Variants in UBE2E3 observed in about 807,000 individuals in gnomAD.
UBE2E3 encodes ubiquitin-conjugating enzyme E2 E3.
UBE2E3 carries 5 observed loss-of-function variants against 23.6 expected under a neutral mutation model. The ratio of observed to expected loss-of-function variants is 0.21; its 90% CI spans 0.11 to 0.44. UBE2E3 has a LOEUF of 0.44. Among genes scored for constraint, UBE2E3 ranks in the 20% least tolerant of loss-of-function variants. UBE2E3 has a pLI of 0.99. For missense variants in UBE2E3, 81 were observed against 249.8 expected (o/e 0.32, Z 4.55); for synonymous variants, 78 against 87.5 (o/e 0.89, Z 0.60).
intron 3 of UBE2E3, among the ~76,000 whole-genome samples, chr2:181,034,670 GTATAA>G (rs1383115730): frequency 3.4e-5 from 5 of 146,998 alleles, no homozygotes; most frequent in African/African-American, 1.2e-4. Context: ...AGAACTTAAA[GTATAA>G]TAAAAAAAAT....
intron 2 of UBE2E3, among the ~76,000 whole-genome samples, 162 bp downstream of exon 2, chr2:180,982,398 G>A (rs748784437): frequency 6.6e-6 from 1 of 152,170 alleles, no homozygotes; most frequent in Non-Finnish European, 1.5e-5. Flanking sequence ...TGGTATGTAA[G>A]CAACATTACT....
intron 3 of UBE2E3, among the ~76,000 whole-genome samples, chr2:181,013,115 C>T (rs1685384458): frequency 6.6e-6 from 1 of 152,092 alleles, no homozygotes. Context: ...TCATGCACCA[C>T]CTTGGCTGAC....
chr2:181,007,691 G>C (rs1416876468), intron 3 of UBE2E3, among the ~76,000 whole-genome samples: 1 of 152,072 alleles, frequency 6.6e-6, no homozygotes, highest in Non-Finnish European at 1.5e-5. Context: ...TGTGGAGGGG[G>C]CCCAACAGTG....
At chr2:181,056,317 G>GA (rs1686987259) in intron 3 of UBE2E3, among the ~76,000 whole-genome samples, 1 of 151,632 alleles carries the variant, frequency 6.6e-6, no homozygotes, top group South Asian at 2.1e-4. Context: ...TCTAGAATTG[G>GA]AAAATCATGA....
chr2:181,034,870 T>C (rs183048966), intron 3 of UBE2E3, among the ~76,000 whole-genome samples: 1 of 152,254 alleles, frequency 6.6e-6, no homozygotes, highest in East Asian at 1.9e-4. Context: ...AATTAGAATT[T>C]GAAAAATTTG....
intron 3 of UBE2E3, among the ~76,000 whole-genome samples, chr2:181,037,238 G>T (rs1485717996): frequency 1.3e-5 from 2 of 152,188 alleles, no homozygotes; most frequent in Non-Finnish European, 2.9e-5. Context: ...ATAAACAACT[G>T]TGTTCCTGGT....
intron 3 of UBE2E3, among the ~76,000 whole-genome samples, chr2:181,022,159 CATACT>C (rs1364173389): frequency 2.0e-5 from 3 of 152,146 alleles, no homozygotes; most frequent in Non-Finnish European, 4.4e-5. Flanking sequence ...TTATGGCAAA[CATACT>C]ATAAGTTTAG....
At chr2:181,041,062 G>A (rs1686478450) in intron 3 of UBE2E3, among the ~76,000 whole-genome samples, 1 of 151,732 alleles carries the variant, frequency 6.6e-6, no homozygotes, top group South Asian at 2.1e-4. Context: ...ATCCTGGCCA[G>A]CATGATGAAA....
In UBE2E3 at chr2:180,996,938, A is replaced by G. The variant is rs1478321770; in HGVS notation, c.245+12845A>G. 2.6e-5 allele frequency among the ~76,000 whole-genome samples: 4 copies of G among 152,082 alleles called. No homozygotes were observed. The East Asian group carries it at 7.7e-4, about 29-fold the overall frequency. On this transcript the variant is annotated intron_variant, in intron 3 of 5. Transcript: ENST00000410062. ...CCGCAATTCTGAACCCTCATAGTAC[A>G]TTTGAACTTTGTGCATGAGCTTAAT...
At chr2:181,060,549 G>T in intron 4 of UBE2E3, 116 bp from the exon 5 acceptor site, 1 of 1,065,396 alleles carries the variant, frequency 9.4e-7, no homozygotes, top group Non-Finnish European at 1.3e-6. Flanking sequence ...TCTAAGTTTA[G>T]CTCCAGTCAA....
chr2:180,995,209 T>C (rs1185285097), intron 3 of UBE2E3, among the ~76,000 whole-genome samples: 1 of 152,128 alleles, frequency 6.6e-6, no homozygotes. Context: ...ACCCATGGTG[T>C]TAGTGGCACT....
At chr2:180,993,228 G>A (rs1684721876) in intron 3 of UBE2E3, among the ~76,000 whole-genome samples, 1 of 152,130 alleles carries the variant, frequency 6.6e-6, no homozygotes, top group South Asian at 2.1e-4. Flanking sequence ...CATTCAATTT[G>A]TAAAAATCCC....
At chr2:180,998,156 T>G (rs910872583) in intron 3 of UBE2E3, among the ~76,000 whole-genome samples, 15 of 152,276 alleles carry the variant, frequency 9.9e-5, no homozygotes, top group African/African-American at 3.6e-4. Flanking sequence ...TTACATCTAT[T>G]GTCTTGACAA....
intron 5 of UBE2E3, 47 bp downstream of exon 5, chr2:181,060,859 T>A: frequency 1.8e-6 from 1 of 554,018 alleles, no homozygotes; most frequent in South Asian, 3.8e-5. Flanking sequence ...CAAAAACGAG[T>A]GCTTTTTTTT....
intron 3 of UBE2E3, among the ~76,000 whole-genome samples, chr2:181,027,867 A>G (rs549521365): frequency 2.0e-4 from 31 of 152,154 alleles, no homozygotes; most frequent in Admixed American, 6.5e-4. Flanking sequence ...CTTATCATCA[A>G]TCATGTACTG....
At chr2:180,984,265 A>G (rs920665158) in intron 3 of UBE2E3, among the ~76,000 whole-genome samples, 172 bp downstream of exon 3, 1 of 152,232 alleles carries the variant, frequency 6.6e-6, no homozygotes, top group African/African-American at 2.4e-5. Context: ...GGGAGAAAAA[A>G]TACTTTTTAG....
At chr2:180,994,457 G>GC (rs1441097299) in intron 3 of UBE2E3, among the ~76,000 whole-genome samples, 1 of 151,948 alleles carries the variant, frequency 6.6e-6, no homozygotes, top group Non-Finnish European at 1.5e-5. Flanking sequence ...CTTAAAACAT[G>GC]CAAGTATTTC....
chr2:181,007,450 G>A (rs770746816), intron 3 of UBE2E3, among the ~76,000 whole-genome samples: 8 of 151,570 alleles, frequency 5.3e-5, no homozygotes, highest in Non-Finnish European at 1.0e-4. Flanking sequence ...ACTGGACTCC[G>A]GAAAAGAAGA....
At chr2:180,991,149 A>ATTTTTTTTTTTTT (rs35348964) in intron 3 of UBE2E3, among the ~76,000 whole-genome samples, 1 of 150,902 alleles carries the variant, frequency 6.6e-6, no homozygotes. Context: ...AAAACCTTTG[A>ATTTTTTTTTTTTT]TTTTTTTTTC....
Sources: gnomAD v4.1 joint callset for allele counts (sites outside exome capture counted in the v4.1 genomes callset) on GRCh38, gnomAD v4.1.1 for gene constraint, MANE v1.5 for transcripts, NCBI Gene and HGNC (gene_info 2026-07-23, HGNC 2026-07-21) for gene names.